The following CNTN4 variants were observed in gnomAD, a reference collection of about 807,000 sequenced individuals.
The protein encoded by CNTN4 is contactin 4.
A neutral mutation model predicts 122.5 loss-of-function variants in CNTN4; 77 were observed. The observed-to-expected ratio is 0.63, with a 90% confidence interval of 0.52 to 0.76. The LOEUF (loss-of-function observed/expected upper bound fraction) is 0.76, where lower values mean the gene tolerates loss of function less well. CNTN4 is among the 30% of genes least tolerant of loss of function. The probability of loss-of-function intolerance (pLI) is 0.00; values close to 1 mark genes in which losing one functional copy is unlikely to be tolerated. For missense variants in CNTN4, 1,256 were observed against 1,259.1 expected, an observed-to-expected ratio of 1.00 and a Z score of 0.04; for synonymous variants, 512 against 447.0, an observed-to-expected ratio of 1.15 and a Z score of -1.83.
chr3:2,125,291 G>A (rs1482949188), intron 2 of CNTN4, among the ~76,000 whole-genome samples: 1 of 149,158 alleles, frequency 6.7e-6, no homozygotes, highest in Non-Finnish European at 1.5e-5. Context: ...CATATGGCAG[G>A]ATTTCCTTCT....
At chr3:2,539,539 A>T (rs1367439312) in intron 3 of CNTN4, among the ~76,000 whole-genome samples, 3 of 152,134 alleles carry the variant, frequency 2.0e-5, no homozygotes, top group Non-Finnish European at 2.9e-5. Flanking sequence ...CTAGGTATAA[A>T]TCCCGAAGAG....
chr3:2,538,838 T>C (rs905060331), intron 3 of CNTN4, among the ~76,000 whole-genome samples: 16 of 151,824 alleles, frequency 1.1e-4, no homozygotes, highest in Non-Finnish European at 2.4e-4. Context: ...CTAATATACA[T>C]ATATATGCAC....
At chr3:2,115,175 C>T (rs1290935916) in intron 2 of CNTN4, among the ~76,000 whole-genome samples, 2 of 152,186 alleles carry the variant, frequency 1.3e-5, no homozygotes, top group African/African-American at 4.8e-5. Context: ...TGATCAGACC[C>T]TCTCCTCATA....
At chr3:2,617,341 A>C (rs1399568493) in intron 4 of CNTN4, among the ~76,000 whole-genome samples, 3 of 151,828 alleles carry the variant, frequency 2.0e-5, no homozygotes, top group Non-Finnish European at 4.4e-5. Flanking sequence ...ATGAACAGAC[A>C]CTTCTCAAAA....
In CNTN4 at chr3:2,733,566, C is replaced by T. The variant is rs2088856927; in HGVS notation, c.56-2649C>T. Among the ~76,000 whole-genome samples, 4 of 138,032 alleles carry T rather than the reference C, an allele frequency of 2.9e-5. No individual in the cohort carries two copies. In the South Asian group the frequency reaches 9.1e-4, roughly 31 times the overall value. The allele number at this position is 138,032 out of a possible 152,430, so 90.6% of individuals were successfully genotyped here. Reference sequence around the variant, plus strand: ...TTTTTTTTTTTGAGACAGAGTCTCACAGCATCGCCTGGGCTGGAGTTCAGT... The same window carrying T: ...TTTTTTTTTTTGAGACAGAGTCTCATAGCATCGCCTGGGCTGGAGTTCAGT... On this transcript the variant is annotated intron_variant, in intron 4 of 24. Coordinates refer to ENST00000418658, the MANE Select transcript of CNTN4 (RefSeq NM_175607.3).
chr3:2,945,518 A>G (rs1362825609), intron 13 of CNTN4, among the ~76,000 whole-genome samples: 1 of 152,112 alleles, frequency 6.6e-6, no homozygotes, highest in Non-Finnish European at 1.5e-5. Flanking sequence ...CTCTCTTAAA[A>G]TGTCTGGGCA....
chr3:2,564,891 C>A (rs142415646), intron 3 of CNTN4, among the ~76,000 whole-genome samples: 4 of 152,206 alleles, frequency 2.6e-5, no homozygotes, highest in Admixed American at 6.5e-5. Flanking sequence ...GACTCTCGGG[C>A]TATGGAAGAC....
At chr3:2,647,387 AAAT>A in intron 4 of CNTN4, among the ~76,000 whole-genome samples, 1 of 32,820 alleles carries the variant, frequency 3.0e-5, no homozygotes, top group African/African-American at 1.4e-4. Flanking sequence ...TCTCATAAAT[AAAT>A]AAATAAATAA....
intron 3 of CNTN4, among the ~76,000 whole-genome samples, chr3:2,497,188 G>A (rs887608129): frequency 6.6e-6 from 1 of 152,110 alleles, no homozygotes. Context: ...TCTTTCATAT[G>A]TATTTCACTG....
intron 2 of CNTN4, among the ~76,000 whole-genome samples, chr3:2,139,125 T>C (rs2034855511): frequency 6.6e-6 from 1 of 152,312 alleles, no homozygotes; most frequent in Non-Finnish European, 1.5e-5. Context: ...CCAGTGTTTA[T>C]AAATATTCCT....
chr3:2,876,413 A>C (rs534231917), intron 8 of CNTN4, among the ~76,000 whole-genome samples: 1 of 151,772 alleles, frequency 6.6e-6, no homozygotes, highest in Non-Finnish European at 1.5e-5. Flanking sequence ...TATACATCAT[A>C]TGACTTGTTT....
chr3:2,761,694 G>A (rs2090599347), intron 6 of CNTN4, among the ~76,000 whole-genome samples: 1 of 152,090 alleles, frequency 6.6e-6, no homozygotes, highest in South Asian at 2.1e-4. Flanking sequence ...TTGGTACATA[G>A]TAGATGTTCA....
rs6787088 is a variant in CNTN4 at position 2,792,714 on chromosome 3, G to A, written c.359-26772G>A. 0.38 allele frequency among the ~76,000 whole-genome samples: 57,035 copies of A among 152,092 alleles called. 10,742 individuals carry two copies. The highest frequency in any genetic ancestry group is 0.39 in the African/African-American group (16,277 of 41,500). ...TAGCACTCACTTCTAATATTGAAGG[G>A]TGTTTTGTTATAACTTCAGTATCTT... On this transcript the variant is annotated intron_variant, in intron 6 of 24. Coordinates refer to ENST00000418658, the MANE Select transcript of CNTN4 (RefSeq NM_175607.3).
intron 4 of CNTN4, among the ~76,000 whole-genome samples, chr3:2,671,101 G>T (rs1007200261): frequency 1.3e-5 from 2 of 152,232 alleles, no homozygotes; most frequent in Admixed American, 6.5e-5. Context: ...GAGTATCTTT[G>T]TGGCGTTCTC....
intron 4 of CNTN4, among the ~76,000 whole-genome samples, chr3:2,703,839 A>C (rs1390072618): frequency 6.6e-6 from 1 of 152,154 alleles, no homozygotes; most frequent in Non-Finnish European, 1.5e-5. Context: ...AAAAATGAAA[A>C]TAAAAGAGCT....
chr3:2,600,011 T>C (rs951083659), intron 4 of CNTN4, among the ~76,000 whole-genome samples: 7 of 125,074 alleles, frequency 5.6e-5, no homozygotes, highest in Non-Finnish European at 7.9e-5. Context: ...AATTCTTCTT[T>C]TTTTTTTTTT....
Position 2,866,927 on chromosome 3 carries a change from A to T in CNTN4, c.630A>T (p.Thr210=). The T allele has an allele frequency of 6.2e-7, 1 of 1,613,952 alleles. No individual in the cohort carries two copies. The highest frequency in any genetic ancestry group is 8.5e-7 in the Non-Finnish European group (1 of 1,179,854). Residue 210 remains threonine (T), a synonymous_variant, in exon 8 of 25, where the codon ACA becomes ACT. Transcript: ENST00000418658. ...VTNHKVLGPP[T]PLILRNDGVM... is the part of the protein sequence containing the mutation. ...ACCACAAGGTCCTGGGGCCACCTACACCACTAATATTGAGAAATGATGGTG... is the reference window on the plus strand; with the variant it reads ...ACCACAAGGTCCTGGGGCCACCTACTCCACTAATATTGAGAAATGATGGTG...
chr3:2,138,222 C>T (rs1011059642), intron 2 of CNTN4, among the ~76,000 whole-genome samples: 6 of 152,052 alleles, frequency 3.9e-5, no homozygotes, highest in Non-Finnish European at 5.9e-5. Flanking sequence ...CCCGCCATCA[C>T]GCCTGGCTAA....
At chr3:2,521,924 A>G (rs762342855) in intron 3 of CNTN4, among the ~76,000 whole-genome samples, 16 of 152,132 alleles carry the variant, frequency 1.1e-4, no homozygotes, top group Non-Finnish European at 1.9e-4. Context: ...TTATCACTAA[A>G]GAGAGTTGGC....
Sources: gnomAD v4.1 joint callset for allele counts (sites outside exome capture counted in the v4.1 genomes callset) on GRCh38, gnomAD v4.1.1 for gene constraint, MANE v1.5 for transcripts, NCBI Gene and HGNC (gene_info 2026-07-23, HGNC 2026-07-21) for gene names.